WDR45B: variants seen among roughly 807,000 people sequenced by gnomAD.
WDR45B encodes WD repeat domain phosphoinositide-interacting protein 3.
WDR45B carries 20 observed loss-of-function variants against 44.6 expected under a neutral mutation model. That is an observed-to-expected ratio of 0.45 (90% CI 0.32 to 0.65). WDR45B has a LOEUF of 0.65. WDR45B is among the 30% of genes least tolerant of loss of function. The pLI is 0.05. For missense variants in WDR45B, 323 were observed against 430.2 expected, an observed-to-expected ratio of 0.75 and a Z score of 2.20; for synonymous variants, 169 against 164.9, an observed-to-expected ratio of 1.02 and a Z score of -0.19.
At chr17:82,638,526 T>A (rs908616440) in intron 2 of WDR45B, among the ~76,000 whole-genome samples, 1 of 151,462 alleles carries the variant, frequency 6.6e-6, no homozygotes, top group African/African-American at 2.4e-5. Context: ...CACAAGAAAC[T>A]AATAAAAGAA....
At chr17:82,637,827 C>T (rs2045854877) in intron 2 of WDR45B, among the ~76,000 whole-genome samples, 2 of 151,864 alleles carry the variant, frequency 1.3e-5, no homozygotes, top group African/African-American at 4.9e-5. Context: ...TATCAGCATT[C>T]CTTTCCCAGG....
At chr17:82,619,837 G>A (rs1227497299) in intron 6 of WDR45B, among the ~76,000 whole-genome samples, 6 of 152,326 alleles carry the variant, frequency 3.9e-5, no homozygotes, top group East Asian at 1.9e-4. Flanking sequence ...CAAGGCAGGA[G>A]CAGCCTCACG....
intron 2 of WDR45B, among the ~76,000 whole-genome samples, chr17:82,634,026 C>T (rs1437777135): frequency 3.3e-5 from 5 of 151,444 alleles, no homozygotes; most frequent in Non-Finnish European, 1.5e-5. Flanking sequence ...TGGCAGGTGC[C>T]TGTAATCCCA....
intron 6 of WDR45B, 83 bp from the exon 7 acceptor site, chr17:82,619,211 C>G: frequency 7.9e-7 from 1 of 1,268,550 alleles, no homozygotes; most frequent in Non-Finnish European, 1.1e-6. Context: ...TTCACAAATC[C>G]ATTAGTCCAC....
chr17:82,646,078 G>A (rs1488250407), intron 1 of WDR45B, among the ~76,000 whole-genome samples: 2 of 150,678 alleles, frequency 1.3e-5, no homozygotes, highest in Non-Finnish European at 2.9e-5. Flanking sequence ...CTGAGATCAC[G>A]CCACAGCACT....
intron 2 of WDR45B, among the ~76,000 whole-genome samples, chr17:82,635,777 G>A (rs1424879351): frequency 1.3e-5 from 2 of 151,984 alleles, no homozygotes; most frequent in Non-Finnish European, 2.9e-5. Flanking sequence ...TGTGATTCTA[G>A]CTAATGGTTA....
At chr17:82,643,419 C>A (rs2045940499) in intron 2 of WDR45B, among the ~76,000 whole-genome samples, 1 of 151,314 alleles carries the variant, frequency 6.6e-6, no homozygotes. Context: ...GGCGACAGAG[C>A]AAGATCCCGT....
chr17:82,643,135 G>A (rs568674191), intron 2 of WDR45B, among the ~76,000 whole-genome samples: 21 of 152,212 alleles, frequency 1.4e-4, no homozygotes, highest in Non-Finnish European at 2.5e-4. Context: ...CTTATTTCAC[G>A]TACAAAGAAA....
chr17:82,616,389 GA>G, intron 9 of WDR45B, 134 bp downstream of exon 9: 1 of 1,409,440 alleles, frequency 7.1e-7, no homozygotes, highest in Admixed American at 1.7e-5. Flanking sequence ...GCCCACAGGA[GA>G]AATAAGGGGA....
chr17:82,635,426 GTT>G (rs35735710), intron 2 of WDR45B, among the ~76,000 whole-genome samples: 8 of 135,584 alleles, frequency 5.9e-5, no homozygotes, highest in Non-Finnish European at 7.8e-5. Flanking sequence ...GTCTTTTCAG[GTT>G]TTTTTTTTTT....
chr17:82,621,118 A>G (rs2045609785), intron 6 of WDR45B, among the ~76,000 whole-genome samples: 1 of 146,782 alleles, frequency 6.8e-6, no homozygotes, highest in Admixed American at 7.0e-5. Flanking sequence ...TAGTGGCATG[A>G]TCTCAGCTCA....
At chr17:82,621,894 T>C (rs752012977) in intron 5 of WDR45B, 95 bp from the exon 6 acceptor site, 5 of 1,267,496 alleles carry the variant, frequency 3.9e-6, no homozygotes, top group Non-Finnish European at 5.6e-6. Flanking sequence ...AAAAAATAGA[T>C]GTATATCATT....
At chr17:82,616,083 C>T (rs2045530149) in intron 9 of WDR45B, 58 bp from the exon 10 acceptor site, 12 of 1,495,410 alleles carry the variant, frequency 8.0e-6, no homozygotes, top group East Asian at 4.6e-5. Context: ...TTAAAAGCAA[C>T]GAGTCCCACT....
At chr17:82,624,113 C>G (rs2045659304) in intron 5 of WDR45B, among the ~76,000 whole-genome samples, 1 of 152,134 alleles carries the variant, frequency 6.6e-6, no homozygotes, top group African/African-American at 2.4e-5. Context: ...TGGGAACATG[C>G]ACGACACTCC....
intron 2 of WDR45B, among the ~76,000 whole-genome samples, chr17:82,634,906 G>A (rs1214873219): frequency 3.3e-5 from 5 of 151,850 alleles, no homozygotes; most frequent in African/African-American, 1.2e-4. Flanking sequence ...TCAACCTAGA[G>A]AACACTACAC....
intron 3 of WDR45B, among the ~76,000 whole-genome samples, chr17:82,627,687 T>C (rs2045716711): frequency 6.6e-6 from 1 of 151,934 alleles, no homozygotes; most frequent in Admixed American, 6.6e-5. Context: ...TCCGTTCCTC[T>C]CTCAGTGCGC....
At chr17:82,625,510 G>A (rs771460311) in intron 4 of WDR45B, 27 bp from the exon 5 acceptor site, 1 of 1,607,838 alleles carries the variant, frequency 6.2e-7, no homozygotes, top group East Asian at 2.2e-5. Flanking sequence ...GATCAGAGTT[G>A]CTTTCCTCAA....
At chr17:82,618,982 A>C in intron 7 of WDR45B, 61 bp downstream of exon 7, 2 of 1,535,410 alleles carry the variant, frequency 1.3e-6, no homozygotes, top group Non-Finnish European at 9.0e-7. Context: ...CAAATCCCAA[A>C]GGCCCACTTC....
chr17:82,622,899 G>C (rs945369366), intron 5 of WDR45B, among the ~76,000 whole-genome samples: 1 of 152,110 alleles, frequency 6.6e-6, no homozygotes, highest in African/African-American at 2.4e-5. Flanking sequence ...CAAAACAAAG[G>C]TACCAAGCTT....
Sources: allele counts gnomAD v4.1 joint callset (sites outside exome capture counted in the v4.1 genomes callset), GRCh38; gene constraint gnomAD v4.1.1; transcripts MANE v1.5; gene names NCBI Gene and HGNC (gene_info 2026-07-23, HGNC 2026-07-21).